Variants in STK32B observed in about 807,000 individuals in gnomAD.
STK32B encodes serine/threonine-protein kinase 32B.
Under a neutral mutation model 52.6 loss-of-function variants are expected in STK32B, and 43 were observed. That is an observed-to-expected ratio of 0.82 (90% CI 0.64 to 1.05). STK32B has a LOEUF of 1.05. Among genes scored for constraint, STK32B ranks in the 50% least tolerant of loss-of-function variants. STK32B has a pLI of 0.00. For synonymous variants in STK32B, 238 were observed against 204.3 expected, an observed-to-expected ratio of 1.17 and a Z score of -1.41; for missense variants, 621 against 534.6, an observed-to-expected ratio of 1.16 and a Z score of -1.59.
rs1175268167 is a variant in STK32B at position 5,058,112 on chromosome 4, A to C, written c.52+6197A>C. 6.6e-6 allele frequency among the ~76,000 whole-genome samples: 1 copy of C among 152,118 alleles called. No homozygotes were observed. Among genetic ancestry groups the C allele is most frequent in the East Asian group, 1.9e-4 (1 of 5,188 alleles). ...CTCCTTGGAGTACCCTTATGCATTG[A>C]AGATTTTGGCCTCTGCTTCATCTCT... On this transcript the variant is annotated intron_variant, in intron 1 of 11. Transcript: ENST00000282908. This position sits in a 1 kb window ranked among gnomAD's most constrained non-coding sequence, Gnocchi z 4.8.
chr4:5,151,272 C>A (rs10516174), intron 2 of STK32B, among the ~76,000 whole-genome samples: 39,613 of 152,074 alleles, frequency 0.26, 5,609 homozygotes, highest in East Asian at 0.54. Context: ...TAAATAATCA[C>A]TGCCTTTCAT....
the STK32B span, among the ~76,000 whole-genome samples, chr4:5,040,547 C>T: frequency 6.6e-6 from 1 of 152,102 alleles, no homozygotes; most frequent in East Asian, 1.9e-4. Flanking sequence ...ATGAGTGCCA[C>T]CATGCCCAGC....
intron 2 of STK32B, 42 bp from the exon 3 acceptor site, chr4:5,168,257 C>A (rs772742011): frequency 7.2e-5 from 114 of 1,580,674 alleles, no homozygotes; most frequent in Non-Finnish European, 9.3e-5. Context: ...TCTCCCTTTT[C>A]GATTGTTGGC....
intron 4 of STK32B, among the ~76,000 whole-genome samples, chr4:5,357,297 A>G: frequency 8.1e-6 from 1 of 123,202 alleles, no homozygotes; most frequent in Non-Finnish European, 1.6e-5. Context: ...ACAATGGATA[A>G]ATACACGGTC....
chr4:5,449,893 G>C (rs1395576462), intron 7 of STK32B, among the ~76,000 whole-genome samples: 2 of 151,906 alleles, frequency 1.3e-5, no homozygotes, highest in East Asian at 3.9e-4. Context: ...ACCAGCTCAG[G>C]GCTCCCACTG....
At chr4:5,451,698 C>T (rs768173455) in intron 7 of STK32B, among the ~76,000 whole-genome samples, 30 of 152,114 alleles carry the variant, frequency 2.0e-4, no homozygotes, top group Non-Finnish European at 3.7e-4. Context: ...TTAGGATGTC[C>T]AGCAATATCA....
intron 3 of STK32B, among the ~76,000 whole-genome samples, chr4:5,234,756 G>C (rs1724513751): frequency 1.3e-5 from 2 of 152,212 alleles, no homozygotes; most frequent in African/African-American, 2.4e-5. Flanking sequence ...TCTTTGAATG[G>C]GAAGAAATTG....
At chr4:5,450,555 A>AG (rs1473588493) in intron 7 of STK32B, among the ~76,000 whole-genome samples, 1 of 152,214 alleles carries the variant, frequency 6.6e-6, no homozygotes, top group Non-Finnish European at 1.5e-5. Context: ...CTTATAATAG[A>AG]GAAAAATAAC....
At chr4:5,330,360 T>A (rs1403877891) in intron 3 of STK32B, among the ~76,000 whole-genome samples, 1 of 152,236 alleles carries the variant, frequency 6.6e-6, no homozygotes, top group East Asian at 1.9e-4. Context: ...TTCTATGTGT[T>A]GGCTCTTCAG....
At chr4:5,318,947 C>T (rs1255105369) in intron 3 of STK32B, among the ~76,000 whole-genome samples, 1 of 151,938 alleles carries the variant, frequency 6.6e-6, no homozygotes, top group Non-Finnish European at 1.5e-5. Context: ...CTACAGGTGC[C>T]CGCCACCATG....
chr4:5,453,865 A>G lies in STK32B; in HGVS notation c.667-2942A>G, dbSNP rs1441295409. 6.6e-6 allele frequency among the ~76,000 whole-genome samples: 1 copy of G among 152,026 alleles called. No homozygotes were observed. The highest frequency in any genetic ancestry group is 1.5e-5 in the Non-Finnish European group (1 of 68,002). On this transcript the variant is annotated intron_variant, in intron 7 of 11. Transcript: ENST00000282908. The surrounding 1 kb of genome is among the most constrained non-coding windows in gnomAD (Gnocchi z 4.0). ...GGTTGCAGTGAGCCGAGATCATACCATTGCACTCCAGTCTAGGCGACAAGA... is the reference window on the plus strand; with the variant it reads ...GGTTGCAGTGAGCCGAGATCATACCGTTGCACTCCAGTCTAGGCGACAAGA...
At chr4:5,484,195 G>T (rs1401996178) in intron 11 of STK32B, among the ~76,000 whole-genome samples, 1 of 152,182 alleles carries the variant, frequency 6.6e-6, no homozygotes, top group East Asian at 1.9e-4. Flanking sequence ...GGGTGTTAAA[G>T]TCTCCCATTA....
At chr4:5,163,929 G>C (rs900276561) in intron 2 of STK32B, among the ~76,000 whole-genome samples, 3 of 152,154 alleles carry the variant, frequency 2.0e-5, no homozygotes, top group African/African-American at 7.2e-5. Flanking sequence ...TGTGTTTCCT[G>C]CTCCTCCGCA....
At position 5,469,161 on chromosome 4, in the gene STK32B, G is replaced by A. The variant is rs1717666897; in HGVS notation, c.1106+1091G>A. Among the ~76,000 whole-genome samples the A allele has an allele frequency of 6.6e-6, 1 of 152,176 alleles. No homozygotes were observed. Among genetic ancestry groups the A allele is most frequent in the South Asian group, 2.1e-4 (1 of 4,832 alleles). ...CCCCATTGGACCCACACTAAGCCAA[G>A]CTTTGGGTTGGTGGAGGCAAATCAG... is the stretch of plus-strand genomic sequence containing the variant. On this transcript the variant is annotated intron_variant, in intron 11 of 11. Coordinates refer to ENST00000282908, the MANE Select transcript of STK32B (RefSeq NM_018401.3). The surrounding 1 kb of genome is among the most constrained non-coding windows in gnomAD (Gnocchi z 4.7).
At chr4:5,111,564 G>A (rs2108802565) in intron 1 of STK32B, among the ~76,000 whole-genome samples, 1 of 152,162 alleles carries the variant, frequency 6.6e-6, no homozygotes, top group Middle Eastern at 3.4e-3. Context: ...GCTAAATGAA[G>A]GCTACACATG....
At chr4:5,038,163 A>G in the STK32B span, among the ~76,000 whole-genome samples, 3 of 152,112 alleles carry the variant, frequency 2.0e-5, no homozygotes, top group Admixed American at 2.0e-4. Flanking sequence ...ATCCCCATAA[A>G]ATTCCTGGCA....
At chr4:5,434,474 G>A (rs1407502227) in intron 6 of STK32B, among the ~76,000 whole-genome samples, 1 of 131,096 alleles carries the variant, frequency 7.6e-6, no homozygotes, top group Non-Finnish European at 1.7e-5. Flanking sequence ...ATATATATAT[G>A]ATTTTTATAT....
intron 3 of STK32B, among the ~76,000 whole-genome samples, chr4:5,242,575 A>T (rs997208089): frequency 6.6e-6 from 1 of 152,044 alleles, no homozygotes; most frequent in Non-Finnish European, 1.5e-5. Flanking sequence ...GAAGCTCTTG[A>T]GTTTAATTAG....
intron 2 of STK32B, chr4:5,140,404 C>G: frequency 1.1e-6 from 1 of 876,342 alleles, no homozygotes; most frequent in South Asian, 2.3e-5. Flanking sequence ...AATACTCCCC[C>G]CAGTCAAGCT....
Sources: allele counts gnomAD v4.1 joint callset (sites outside exome capture counted in the v4.1 genomes callset), GRCh38; gene constraint gnomAD v4.1.1; non-coding constraint Gnocchi (gnomAD v3.1); transcripts MANE v1.5; gene names NCBI Gene and HGNC (gene_info 2026-07-23, HGNC 2026-07-21).